Variants in OSBPL1A observed in about 807,000 individuals in gnomAD.
The protein encoded by OSBPL1A is oxysterol binding protein like 1A, also known as oxysterol-binding protein-related protein 1.
OSBPL1A carries 80 observed loss-of-function variants against 137.1 expected under a neutral mutation model. That is an observed-to-expected ratio of 0.58 (90% CI 0.49 to 0.70). The LOEUF (loss-of-function observed/expected upper bound fraction) is 0.70, where lower values mean the gene tolerates loss of function less well. OSBPL1A is among the 30% of genes least tolerant of loss of function. OSBPL1A has a pLI of 0.00. For synonymous variants in OSBPL1A, 365 were observed against 389.7 expected (o/e 0.94, Z 0.75); for missense variants, 970 against 1,129.4 (o/e 0.86, Z 2.02).
intron 4 of OSBPL1A, among the ~76,000 whole-genome samples, chr18:24,344,845 G>C (rs2091319850): frequency 6.6e-6 from 1 of 152,124 alleles, no homozygotes; most frequent in South Asian, 2.1e-4. Flanking sequence ...AGACGGTCTA[G>C]CTCTGTCAGC....
intron 17 of OSBPL1A, among the ~76,000 whole-genome samples, chr18:24,211,120 C>A (rs926626648): frequency 2.0e-5 from 3 of 152,076 alleles, no homozygotes. Flanking sequence ...TGCCCACCAC[C>A]ACGCCCAGCT....
intron 4 of OSBPL1A, among the ~76,000 whole-genome samples, chr18:24,362,834 T>C (rs1375207563): frequency 6.6e-6 from 1 of 152,184 alleles, no homozygotes; most frequent in Non-Finnish European, 1.5e-5. Context: ...CATTTTGTGG[T>C]GCTGGATATC....
At chr18:24,354,748 CAA>C (rs59694707) in intron 4 of OSBPL1A, among the ~76,000 whole-genome samples, 924 of 77,094 alleles carry the variant, frequency 0.012, 2 homozygotes, top group South Asian at 0.026. Flanking sequence ...CTCAATATAG[CAA>C]AAAAAAAAAA....
At chr18:24,216,096 G>A in intron 17 of OSBPL1A, among the ~76,000 whole-genome samples, 1 of 152,302 alleles carries the variant, frequency 6.6e-6, no homozygotes, top group South Asian at 2.1e-4. Context: ...GTAGTATCAA[G>A]GGACCCAGGT....
At chr18:24,304,993 G>A (rs1475552715) in intron 13 of OSBPL1A, among the ~76,000 whole-genome samples, 2 of 152,134 alleles carry the variant, frequency 1.3e-5, no homozygotes, top group Admixed American at 1.3e-4. Flanking sequence ...TACAGGTTGA[G>A]GGGCAGGGAA....
At chr18:24,296,276 G>T (rs1397340580) in intron 14 of OSBPL1A, among the ~76,000 whole-genome samples, 2 of 152,162 alleles carry the variant, frequency 1.3e-5, no homozygotes, top group African/African-American at 4.8e-5. Context: ...TTGTAAAAGG[G>T]ATTGACTTCT....
At position 24,162,834 on chromosome 18, in the gene OSBPL1A, T is replaced by C. The variant is rs1307694691; in HGVS notation, c.*345A>G. The C allele has an allele frequency of 6.3e-5, 11 of 175,568 alleles. No homozygotes were observed. Among genetic ancestry groups the C allele is most frequent in the Non-Finnish European group, 1.3e-4 (11 of 83,538 alleles). 10.9% of individuals were successfully genotyped at this position (175,568 alleles called of 1,614,324 possible). A position where few individuals can be genotyped will look rare whatever the true frequency, so the allele number is the denominator to read the frequency against. ...ATATTCAAAATAACTTGATTTGGGA[T>C]TACTATATAGTTCCATAAAGCTAAA... On this transcript the variant is annotated 3_prime_UTR_variant, in exon 28 of 28. Coordinates refer to ENST00000319481, the MANE Select transcript of OSBPL1A (RefSeq NM_080597.4).
At chr18:24,286,303 A>G (rs984518647) in intron 14 of OSBPL1A, among the ~76,000 whole-genome samples, 3 of 152,370 alleles carry the variant, frequency 2.0e-5, no homozygotes, top group East Asian at 3.9e-4. Flanking sequence ...CCATAAAACT[A>G]TAACTTGAAA....
intron 4 of OSBPL1A, among the ~76,000 whole-genome samples, chr18:24,347,377 G>A (rs1237571727): frequency 1.3e-5 from 2 of 151,896 alleles, no homozygotes; most frequent in Non-Finnish European, 2.9e-5. Flanking sequence ...AGAGATGGGG[G>A]TTTCACCATG....
At chr18:24,274,695 T>C (rs2146063939) in intron 15 of OSBPL1A, among the ~76,000 whole-genome samples, 1 of 151,996 alleles carries the variant, frequency 6.6e-6, no homozygotes, top group African/African-American at 2.4e-5. Flanking sequence ...ATCACTTCAG[T>C]TCAGAAGTTT....
At chr18:24,273,366 A>G (rs919986860) in intron 15 of OSBPL1A, among the ~76,000 whole-genome samples, 4 of 152,236 alleles carry the variant, frequency 2.6e-5, no homozygotes, top group African/African-American at 9.6e-5. Flanking sequence ...AGTTTATAAA[A>G]GTAGTGCTAG....
chr18:24,226,884 C>T (rs1006858224), intron 16 of OSBPL1A, among the ~76,000 whole-genome samples: 2 of 130,086 alleles, frequency 1.5e-5, no homozygotes, highest in African/African-American at 2.8e-5. Context: ...AACAAAGAAA[C>T]AGATTTTTTT....
chr18:24,194,346 A>G (rs1275896103), intron 18 of OSBPL1A, among the ~76,000 whole-genome samples: 1 of 152,238 alleles, frequency 6.6e-6, no homozygotes, highest in African/African-American at 2.4e-5. Flanking sequence ...ATATAATAGA[A>G]AATACAATTT....
chr18:24,226,890 T>TC (rs1277935400), intron 16 of OSBPL1A, among the ~76,000 whole-genome samples: 2 of 139,526 alleles, frequency 1.4e-5, no homozygotes, highest in Non-Finnish European at 3.1e-5. Context: ...GAAACAGATT[T>TC]TTTTTTTTTT....
At chr18:24,176,240 T>C (rs1326194999) in intron 21 of OSBPL1A, among the ~76,000 whole-genome samples, 3 of 152,240 alleles carry the variant, frequency 2.0e-5, no homozygotes, top group Non-Finnish European at 4.4e-5. Flanking sequence ...AGACTGCTTA[T>C]AGATCAGTGA....
intron 1 of OSBPL1A, among the ~76,000 whole-genome samples, chr18:24,395,290 C>A (rs1440392427): frequency 6.6e-6 from 1 of 152,220 alleles, no homozygotes; most frequent in Non-Finnish European, 1.5e-5. Flanking sequence ...CATATTCTCT[C>A]TTCTCCACTA....
chr18:24,266,345 C>T (rs2089573803), intron 15 of OSBPL1A, among the ~76,000 whole-genome samples: 1 of 152,092 alleles, frequency 6.6e-6, no homozygotes, highest in Admixed American at 6.6e-5. Context: ...ACAGGTTATC[C>T]TGGCTTGTTC....
intron 16 of OSBPL1A, among the ~76,000 whole-genome samples, chr18:24,225,620 G>A (rs1567958426): frequency 6.6e-6 from 1 of 152,140 alleles, no homozygotes; most frequent in Non-Finnish European, 1.5e-5. Context: ...CTTATGAGAA[G>A]TTTAAATTAC....
At chr18:24,167,703 T>C (rs2086178832) in intron 24 of OSBPL1A, among the ~76,000 whole-genome samples, 1 of 152,200 alleles carries the variant, frequency 6.6e-6, no homozygotes, top group Admixed American at 6.5e-5. Context: ...TACATAAAAA[T>C]ACATACACGA....
Sources: gnomAD v4.1 joint callset for allele counts (sites outside exome capture counted in the v4.1 genomes callset) on GRCh38, gnomAD v4.1.1 for gene constraint, MANE v1.5 for transcripts, NCBI Gene and HGNC (gene_info 2026-07-23, HGNC 2026-07-21) for gene names.